The following ARB2A variants were observed in gnomAD, a reference collection of about 807,000 sequenced individuals.
ARB2A encodes the protein cotranscriptional regulator ARB2A.
At chr5:93,682,924 G>T in the ARB2A span, 1 of 1,569,186 alleles carries the variant, frequency 6.4e-7, no homozygotes, top group Non-Finnish European at 8.7e-7. Context: ...TGATGAATTT[G>T]GCTTCCACTT....
At chr5:93,865,225 GTGC>G in the ARB2A span, 1 of 183,012 alleles carries the variant, frequency 5.5e-6, no homozygotes, top group Non-Finnish European at 1.0e-5. Flanking sequence ...GAGCCTACAG[GTGC>G]CTGCCACCAT....
chr5:93,984,482 G>C, the ARB2A span, among the ~76,000 whole-genome samples: 1 of 152,130 alleles, frequency 6.6e-6, no homozygotes, highest in Non-Finnish European at 1.5e-5. Context: ...ATTGTTGTTT[G>C]TCAAAATCAA....
chr5:93,895,583 A>G, the ARB2A span, among the ~76,000 whole-genome samples: 1 of 152,176 alleles, frequency 6.6e-6, no homozygotes, highest in Non-Finnish European at 1.5e-5. Context: ...ATGATAGCAC[A>G]AAATCCATAA....
the ARB2A span, among the ~76,000 whole-genome samples, chr5:93,837,230 T>A: frequency 6.6e-6 from 1 of 152,210 alleles, no homozygotes; most frequent in Non-Finnish European, 1.5e-5. Context: ...TTTCTGTTCC[T>A]GCATTAGTTT....
the ARB2A span, among the ~76,000 whole-genome samples, chr5:93,797,051 C>A: frequency 1.3e-5 from 2 of 152,038 alleles, no homozygotes; most frequent in African/African-American, 4.8e-5. Flanking sequence ...TACTAGTGAA[C>A]CATAAACAGT....
the ARB2A span, among the ~76,000 whole-genome samples, chr5:93,797,995 A>G: frequency 6.6e-6 from 1 of 152,132 alleles, no homozygotes; most frequent in Non-Finnish European, 1.5e-5. Context: ...AGAAGTCAAA[A>G]GAAGAAATCT....
the ARB2A span, chr5:93,784,482 G>A: frequency 2.9e-5 from 46 of 1,611,266 alleles, no homozygotes; most frequent in East Asian, 4.5e-4. Context: ...TTTTTACATC[G>A]GCTTCTCGTT....
At chr5:93,991,537 A>G in the ARB2A span, among the ~76,000 whole-genome samples, 131 of 152,162 alleles carry the variant, frequency 8.6e-4, no homozygotes, top group African/African-American at 3.1e-3. Context: ...AAAGTGTTCA[A>G]TCACATAGAG....
At chr5:93,643,242 T>C in the ARB2A span, among the ~76,000 whole-genome samples, 2 of 152,154 alleles carry the variant, frequency 1.3e-5, no homozygotes, top group African/African-American at 4.8e-5. Context: ...ACTCTTGAAA[T>C]TGTGAAGCCT....
At chr5:93,964,119 C>T in the ARB2A span, among the ~76,000 whole-genome samples, 2 of 151,964 alleles carry the variant, frequency 1.3e-5, no homozygotes, top group African/African-American at 4.8e-5. Flanking sequence ...GTAACAAAAA[C>T]TGCACTGGTT....
the ARB2A span, among the ~76,000 whole-genome samples, chr5:93,897,655 G>A: frequency 6.6e-6 from 1 of 151,700 alleles, no homozygotes; most frequent in Non-Finnish European, 1.5e-5. Flanking sequence ...TACAATATTG[G>A]CTTCAATTTT....
the ARB2A span, among the ~76,000 whole-genome samples, chr5:93,697,061 CAAAA>C: frequency 1.3e-5 from 1 of 78,258 alleles, no homozygotes; most frequent in Non-Finnish European, 2.6e-5. Flanking sequence ...GACTCCATCT[CAAAA>C]AAAAAAAAAA....
At chr5:94,055,865 T>G in the ARB2A span, 87 of 985,408 alleles carry the variant, frequency 8.8e-5, 1 homozygote, top group South Asian at 3.4e-3. Flanking sequence ...TAAGCAGATC[T>G]TGCTTCTAAC....
chr5:93,658,141 ATCTC>A, the ARB2A span, among the ~76,000 whole-genome samples: 1 of 152,136 alleles, frequency 6.6e-6, no homozygotes, highest in Non-Finnish European at 1.5e-5. Flanking sequence ...CTTGTCTGAG[ATCTC>A]TCTGAGTCAA....
chr5:93,914,525 CTTAAT>C, the ARB2A span, among the ~76,000 whole-genome samples: 1 of 151,868 alleles, frequency 6.6e-6, no homozygotes, highest in Non-Finnish European at 1.5e-5. Flanking sequence ...TTTGAAATTA[CTTAAT>C]TTATCTGAAA....
At chr5:93,940,351 T>C in the ARB2A span, among the ~76,000 whole-genome samples, 18 of 152,038 alleles carry the variant, frequency 1.2e-4, 1 homozygote, top group African/African-American at 4.1e-4. Flanking sequence ...AGAGTATACA[T>C]TCTGGATAAA....
chr5:94,103,152 C>G, the ARB2A span, among the ~76,000 whole-genome samples: 1 of 151,972 alleles, frequency 6.6e-6, no homozygotes, highest in Non-Finnish European at 1.5e-5. Flanking sequence ...ATAACAGGAT[C>G]AAATGTTCAC....
At chr5:93,650,838 A>T in the ARB2A span, among the ~76,000 whole-genome samples, 1 of 151,882 alleles carries the variant, frequency 6.6e-6, no homozygotes, top group Non-Finnish European at 1.5e-5. Context: ...AAAAAAAAAA[A>T]AAAATTATCC....
At chr5:93,624,796 C>T in the ARB2A span, among the ~76,000 whole-genome samples, 1 of 152,174 alleles carries the variant, frequency 6.6e-6, no homozygotes, top group Non-Finnish European at 1.5e-5. Flanking sequence ...CTGCATCCCA[C>T]ATGATTTTCA....
Sources: allele counts gnomAD v4.1 joint callset (sites outside exome capture counted in the v4.1 genomes callset), GRCh38; gene constraint gnomAD v4.1.1; transcripts MANE v1.5; gene names NCBI Gene and HGNC (gene_info 2026-07-23, HGNC 2026-07-21).